Variants in SV2C observed in about 807,000 individuals in gnomAD.
SV2C encodes synaptic vesicle glycoprotein 2C.
SV2C carries 49 observed loss-of-function variants against 79.7 expected under a neutral mutation model. The observed-to-expected ratio is 0.61, with a 90% confidence interval of 0.49 to 0.78. The LOEUF is 0.78. Among genes scored for constraint, SV2C ranks in the 30% least tolerant of loss-of-function variants. SV2C has a pLI of 0.00. For missense variants in SV2C, 833 were observed against 912.9 expected (o/e 0.91, Z 1.13); for synonymous variants, 334 against 333.2 (o/e 1.00, Z -0.03).
the SV2C span, among the ~76,000 whole-genome samples, chr5:75,853,555 C>CAAA: frequency 3.6e-3 from 104 of 28,990 alleles, 2 homozygotes; most frequent in African/African-American, 0.011. Flanking sequence ...GACTCCTTCT[C>CAAA]AAAAAAAAAA....
At chr5:76,324,117 GT>G (rs908707546) in intron 12 of SV2C, among the ~76,000 whole-genome samples, 2 of 151,904 alleles carry the variant, frequency 1.3e-5, no homozygotes, top group African/African-American at 4.8e-5. Context: ...CTTAACAACA[GT>G]TTTTTTTCTC....
At chr5:76,175,341 C>T (rs991155859) in intron 2 of SV2C, among the ~76,000 whole-genome samples, 10 of 152,084 alleles carry the variant, frequency 6.6e-5, no homozygotes, top group Non-Finnish European at 1.3e-4. Flanking sequence ...CTGACCATGA[C>T]GAGATTTTAC....
chr5:76,243,048 A>AGAC (rs1745841040), intron 4 of SV2C, among the ~76,000 whole-genome samples: 1 of 149,292 alleles, frequency 6.7e-6, no homozygotes, highest in Admixed American at 6.6e-5. Context: ...AAAGACAAAA[A>AGAC]GAAAAGAAAG....
rs1476853849 is a variant in SV2C at position 76,330,879 on chromosome 5, C to T, written c.*5332C>T. 1 of 141,802 alleles carries T rather than the reference C, an allele frequency of 7.1e-6. No homozygotes were observed. The highest frequency in any genetic ancestry group is 1.5e-5 in the Non-Finnish European group (1 of 65,554). 8.8% of individuals were successfully genotyped at this position (141,802 alleles called of 1,614,324 possible). ...TTTTTTTGGGCGGGGGGGCGGGGGA[C>T]GGAGTCTCGCTCTATTACTTAGGCC... is the stretch of plus-strand genomic sequence containing the variant. On this transcript the variant is annotated 3_prime_UTR_variant, in exon 13 of 13. Coordinates refer to ENST00000502798, the MANE Select transcript of SV2C (RefSeq NM_014979.4).
chr5:76,139,701 T>TA (rs1274271942), intron 2 of SV2C, among the ~76,000 whole-genome samples: 94 of 152,312 alleles, frequency 6.2e-4, no homozygotes, highest in African/African-American at 2.1e-3. Flanking sequence ...ATACTAGGTT[T>TA]TCTTTAAAAC....
chr5:76,040,083 CCTTG>C, the SV2C span, among the ~76,000 whole-genome samples: 1 of 152,060 alleles, frequency 6.6e-6, no homozygotes, highest in African/African-American at 2.4e-5. Flanking sequence ...ATATATATCT[CCTTG>C]CTTCTAAGAA....
At chr5:75,904,176 T>G in the SV2C span, among the ~76,000 whole-genome samples, 1 of 152,176 alleles carries the variant, frequency 6.6e-6, no homozygotes, top group East Asian at 1.9e-4. Flanking sequence ...TAGGGAGAGA[T>G]AAACTTTTTT....
the SV2C span, among the ~76,000 whole-genome samples, chr5:75,875,504 T>C: frequency 1.3e-5 from 2 of 152,272 alleles, no homozygotes; most frequent in Admixed American, 6.5e-5. Context: ...GCAATACTAT[T>C]CAGTACATAG....
the SV2C span, among the ~76,000 whole-genome samples, chr5:75,869,572 T>G: frequency 1.3e-5 from 2 of 152,168 alleles, no homozygotes; most frequent in Non-Finnish European, 2.9e-5. Context: ...GCCCTGGCCC[T>G]GGGAGGACTC....
At chr5:75,996,933 C>G in the SV2C span, among the ~76,000 whole-genome samples, 41,276 of 101,522 alleles carry the variant, frequency 0.41, 10,145 homozygotes, top group Middle Eastern at 0.7. Context: ...TCTGCAAACA[C>G]GGACAATTTG....
chr5:75,969,449 C>T, the SV2C span, among the ~76,000 whole-genome samples: 1 of 152,080 alleles, frequency 6.6e-6, no homozygotes, highest in East Asian at 1.9e-4. Flanking sequence ...CAGAGACACA[C>T]ATAGGCTCAA....
chr5:75,929,335 A>G, the SV2C span, among the ~76,000 whole-genome samples: 1 of 151,390 alleles, frequency 6.6e-6, no homozygotes, highest in African/African-American at 2.4e-5. Context: ...GAGCTCTTCT[A>G]CCCTCAGGTG....
At chr5:75,920,589 A>G in the SV2C span, 32 of 528,150 alleles carry the variant, frequency 6.1e-5, 2 homozygotes, top group South Asian at 7.1e-4. Flanking sequence ...CTGATAGTGC[A>G]TGTGGACCTG....
intron 2 of SV2C, among the ~76,000 whole-genome samples, chr5:76,142,309 C>T (rs1749279330): frequency 6.6e-6 from 1 of 152,028 alleles, no homozygotes; most frequent in Non-Finnish European, 1.5e-5. Context: ...TGAGTTTTTC[C>T]AATTAAAAAT....
chr5:75,912,915 A>G, the SV2C span, among the ~76,000 whole-genome samples: 7 of 152,232 alleles, frequency 4.6e-5, no homozygotes, highest in African/African-American at 1.7e-4. Context: ...AAGCCAGGTG[A>G]GTTGGAATAA....
chr5:76,218,054 A>G (rs1744954979), intron 4 of SV2C, among the ~76,000 whole-genome samples: 1 of 152,214 alleles, frequency 6.6e-6, no homozygotes, highest in East Asian at 1.9e-4. Flanking sequence ...GATGTCAGAG[A>G]TCCTGGAGAC....
chr5:76,283,182 G>A (rs986183931), intron 4 of SV2C, among the ~76,000 whole-genome samples: 1 of 152,186 alleles, frequency 6.6e-6, no homozygotes, highest in Non-Finnish European at 1.5e-5. Flanking sequence ...GCATGATGGT[G>A]TGCACCTGTA....
At chr5:75,972,579 C>T in the SV2C span, among the ~76,000 whole-genome samples, 1 of 152,122 alleles carries the variant, frequency 6.6e-6, no homozygotes, top group Non-Finnish European at 1.5e-5. Flanking sequence ...TGAAAAAATG[C>T]TCACCATCAC....
intron 4 of SV2C, among the ~76,000 whole-genome samples, chr5:76,271,616 C>CTTTTTGTTTTT (rs1746862391): frequency 1.0e-5 from 1 of 96,060 alleles, no homozygotes; most frequent in African/African-American, 3.9e-5. Flanking sequence ...AGCATGTGTT[C>CTTTTTGTTTTT]TTTTTTTTTT....
Sources: allele counts gnomAD v4.1 joint callset (sites outside exome capture counted in the v4.1 genomes callset), GRCh38; gene constraint gnomAD v4.1.1; transcripts MANE v1.5; gene names NCBI Gene and HGNC (gene_info 2026-07-23, HGNC 2026-07-21).